KLC4: variants seen among roughly 807,000 people sequenced by gnomAD.
The protein encoded by KLC4 is kinesin light chain 4.
Under a neutral mutation model 77.2 loss-of-function variants are expected in KLC4, and 49 were observed. That is an observed-to-expected ratio of 0.63 (90% confidence interval 0.50 to 0.80). KLC4 has a LOEUF of 0.80. KLC4 is among the 30% of genes least tolerant of loss of function. KLC4 has a pLI of 0.00. For missense variants in KLC4, 669 were observed against 793.5 expected (o/e 0.84, Z 1.89); for synonymous variants, 274 against 314.5 (o/e 0.87, Z 1.36).
chr6:43,062,675 G>C, intron 2 of KLC4: 2 of 556,172 alleles, frequency 3.6e-6, no homozygotes, highest in South Asian at 4.2e-5. Context: ...AACGAGGCCA[G>C]TGAGGAAGTT....
intron 4 of KLC4, 111 bp downstream of exon 4, chr6:43,065,812 TTC>T (rs1006376424): frequency 8.3e-6 from 6 of 722,864 alleles, no homozygotes; most frequent in Non-Finnish European, 1.4e-5. Context: ...GTTCTCCACT[TTC>T]TCTGGAGACA....
intron 2 of KLC4, among the ~76,000 whole-genome samples, chr6:43,062,173 A>G (rs1329864626): frequency 6.6e-6 from 1 of 152,216 alleles, no homozygotes; most frequent in African/African-American, 2.4e-5. Context: ...GTAGAAAATT[A>G]AGTCTGAGGG....
chr6:43,061,235 C>T, intron 1 of KLC4, 76 bp from the exon 2 acceptor site: 1 of 1,478,812 alleles, frequency 6.8e-7, no homozygotes. Flanking sequence ...ACTTGGATTC[C>T]CACCACTCTC....
chr6:43,064,026 G>A (rs1765297215), intron 3 of KLC4, among the ~76,000 whole-genome samples: 2 of 152,024 alleles, frequency 1.3e-5, no homozygotes, highest in Admixed American at 1.3e-4. Context: ...TAGTAGAGAT[G>A]GAGCTTTGCC....
At chr6:43,072,791 T>G (rs2150359406) in intron 12 of KLC4, 33 bp from the exon 13 acceptor site, 1 of 1,607,776 alleles carries the variant, frequency 6.2e-7, no homozygotes, top group East Asian at 2.2e-5. Flanking sequence ...AGTTAAGGAG[T>G]AGGAAGTCCC....
At position 43,070,451 on chromosome 6, in the gene KLC4, A is replaced by T; in HGVS notation, c.977A>T (p.Glu326Val). The T allele has an allele frequency of 6.2e-7, 1 of 1,610,264 alleles. No individual in the cohort carries two copies. The highest frequency in any genetic ancestry group is 8.5e-7 in the Non-Finnish European group (1 of 1,176,542). The part of the protein sequence containing the change: ...PLCQRALEIR[E>V]KVLGTNHPDV... ...TGCCAGCGGGCACTGGAGATTCGAG[A>T]AAAGGTACCCATGCCCTCTCTCCCT... Residue 326 changes from glutamate to valine, a missense_variant, in exon 7 of 16, where the codon GAA becomes GTA. Transcript: ENST00000347162.
At chr6:43,059,975 G>C in intron 1 of KLC4, 3 of 1,294,030 alleles carry the variant, frequency 2.3e-6, no homozygotes, top group Non-Finnish European at 9.9e-7. Flanking sequence ...CCCCCCTGCC[G>C]CCCCCGCCCA....
chr6:43,066,519 T>C lies in KLC4; in HGVS notation c.785T>C (p.Val262Ala), dbSNP rs749091285. 4 of 1,611,850 alleles carry C rather than the reference T, an allele frequency of 2.5e-6. No individual in the cohort carries two copies. Among genetic ancestry groups the C allele is most frequent in the Non-Finnish European group, 3.4e-6 (4 of 1,178,608 alleles). ...VATMLNILAL[V>A]YRDQNKYKEA... The stretch of plus-strand genomic sequence containing the variant: ...ACCATGCTCAACATCCTTGCTTTGG[T>C]GTATCGGTGAGGACTTCCCTCCTCC... Residue 262 changes from valine to alanine, a missense_variant, in exon 5 of 16, where the codon GTG becomes GCG. Transcript: ENST00000347162.
intron 3 of KLC4, among the ~76,000 whole-genome samples, chr6:43,063,442 GAGAT>G (rs1371970160): frequency 6.6e-6 from 1 of 152,260 alleles, no homozygotes; most frequent in African/African-American, 2.4e-5. Context: ...GCTTGTGAGG[GAGAT>G]AGATAAGCAC....
chr6:43,071,200 TAAAAAAAA>T lies in KLC4; in HGVS notation c.1156-62_1156-55del. The T allele has an allele frequency of 1.2e-5, 8 of 644,514 alleles. No individual in the cohort carries two copies. In the African/African-American group the frequency reaches 1.4e-4, roughly 11 times the overall value. 39.9% of individuals were successfully genotyped at this position (644,514 alleles called of 1,614,324 possible). On this transcript the variant is annotated intron_variant, in intron 8 of 15. Transcript: ENST00000347162. ...CCCTGAGCCTGGTGAAGACCTTGTC[TAAAAAAAA>T]AAAAAAAAAAAAGACCTTGCCTCCC... is the stretch of plus-strand genomic sequence containing the variant.
chr6:43,063,286 C>T lies in KLC4; in HGVS notation c.489+139C>T, dbSNP rs1765258867. ...CACCTGAAAGAATTCCTTTTTCAGC[C>T]CTGACACCAACTCCAGGTGACAGCA... is the stretch of plus-strand genomic sequence containing the variant. On this transcript the variant is annotated intron_variant, in intron 3 of 15. Transcript: ENST00000347162. The T allele has an allele frequency of 2.8e-5, 18 of 644,048 alleles. 1 individual carries two copies. In the South Asian group the frequency reaches 3.5e-4, roughly 13 times the overall value. 39.9% of individuals were successfully genotyped at this position (644,048 alleles called of 1,614,324 possible).
intron 2 of KLC4, among the ~76,000 whole-genome samples, chr6:43,062,322 G>A (rs1444390976): frequency 3.9e-5 from 6 of 152,340 alleles, no homozygotes; most frequent in Admixed American, 1.3e-4. Context: ...CTGGCTCTCT[G>A]CAACCTCTGC....
rs755819569 is a variant in KLC4 at position 43,061,461 on chromosome 6, C to G, written c.126C>G (p.Ala42=). The G allele has an allele frequency of 1.2e-6, 2 of 1,614,178 alleles. No homozygotes were observed. Among genetic ancestry groups the G allele is most frequent in the Non-Finnish European group, 1.7e-6 (2 of 1,180,016 alleles). The change falls in exon 2 of 16, where the codon GCC becomes GCG. Residue 42 remains alanine, a synonymous_variant. Transcript: ENST00000347162. ...AGGCCCTACGCAGTGAACACCAGGC[C>G]GTGCTGCAAAGCCTGTCCCAGACCA... The part of the protein sequence containing the change: ...GLEALRSEHQ[A]VLQSLSQTIE...
chr6:43,072,136 TC>T lies in KLC4; in HGVS notation c.1380-10del, dbSNP rs760666396. 37 of 1,608,456 alleles carry T rather than the reference TC, an allele frequency of 2.3e-5. No individual in the cohort carries two copies. Among genetic ancestry groups the T allele is most frequent in the Non-Finnish European group, 2.9e-5 (34 of 1,175,144 alleles). On this transcript the variant is annotated splice_polypyrimidine_tract_variant and intron_variant, in intron 11 of 15. Transcript: ENST00000347162. The stretch of plus-strand genomic sequence containing the variant: ...TTCTCTCTTCCTTCTCTGGTCTCTT[TC>T]TCACCACAGCCCCACAGTGAACACT...
chr6:43,067,224 C>G, intron 6 of KLC4, 141 bp downstream of exon 6: 1 of 1,428,470 alleles, frequency 7.0e-7, no homozygotes, highest in Non-Finnish European at 9.3e-7. Context: ...TCCTTTCTTC[C>G]AGGCACTGTC....
intron 2 of KLC4, among the ~76,000 whole-genome samples, chr6:43,062,155 GAAGC>G (rs1393359672): frequency 6.6e-6 from 1 of 152,224 alleles, no homozygotes; most frequent in African/African-American, 2.4e-5. Context: ...TGAATGAGGA[GAAGC>G]AAGGTAGAAA....
chr6:43,070,906 GGGGGCACAGAGGT>G, intron 8 of KLC4, 41 bp downstream of exon 8: 2 of 711,044 alleles, frequency 2.8e-6, no homozygotes, highest in Non-Finnish European at 4.1e-6. Context: ...AAACGGAGAG[GGGGGCACAGAGGT>G]GGGGGGAGGG....
chr6:43,062,643 A>G (rs1765219075), intron 2 of KLC4: 1 of 495,844 alleles, frequency 2.0e-6, no homozygotes, highest in African/African-American at 1.9e-5. Flanking sequence ...TTACAAATAG[A>G]CAATAGGGGA....
intron 13 of KLC4, 83 bp from the exon 14 acceptor site, chr6:43,073,140 T>A: frequency 2.2e-6 from 3 of 1,360,366 alleles, no homozygotes; most frequent in South Asian, 2.5e-5. Context: ...GGGGGATGTG[T>A]GCAGAATAAA....
Sources: gnomAD v4.1 joint callset for allele counts (sites outside exome capture counted in the v4.1 genomes callset) on GRCh38, gnomAD v4.1.1 for gene constraint, MANE v1.5 for transcripts, NCBI Gene and HGNC (gene_info 2026-07-23, HGNC 2026-07-21) for gene names.